MYO16: variants seen among roughly 807,000 people sequenced by gnomAD.
MYO16 encodes unconventional myosin-XVI.
A neutral mutation model predicts 205.3 loss-of-function variants in MYO16; 94 were observed. The ratio of observed to expected loss-of-function variants is 0.46; its 90% CI spans 0.39 to 0.54. The LOEUF is 0.54. MYO16 is among the 20% of genes least tolerant of loss of function. MYO16 has a pLI of 0.00. For missense variants in MYO16, 2,315 were observed against 2,387.5 expected (o/e 0.97, Z 0.63); for synonymous variants, 988 against 954.0 (o/e 1.04, Z -0.66).
chr13:108,695,545 T>A (rs1456767560), intron 2 of MYO16, among the ~76,000 whole-genome samples: 1 of 146,132 alleles, frequency 6.8e-6, no homozygotes, highest in African/African-American at 2.5e-5. Flanking sequence ...GGTCAGCTTT[T>A]TAATTTCTGC....
upstream of MYO16, among the ~76,000 whole-genome samples, chr13:108,593,411 G>A (rs1878455540): frequency 1.3e-5 from 2 of 152,090 alleles, no homozygotes; most frequent in South Asian, 4.1e-4. Context: ...GGGAGCTGCC[G>A]GCAGGGGCAG....
intron 6 of MYO16, among the ~76,000 whole-genome samples, chr13:108,797,456 G>C (rs984730126): frequency 6.6e-6 from 1 of 152,212 alleles, no homozygotes; most frequent in Non-Finnish European, 1.5e-5. Context: ...ATGAGAAGGA[G>C]CAAGCACTGA....
intron 34 of MYO16, among the ~76,000 whole-genome samples, chr13:109,196,764 C>G (rs923369457): frequency 8.5e-5 from 13 of 152,124 alleles, no homozygotes; most frequent in African/African-American, 3.1e-4. Flanking sequence ...TTCCTAGCTC[C>G]GTATAAACCG....
At chr13:108,609,489 G>A (rs750145519) in intron 1 of MYO16, among the ~76,000 whole-genome samples, 14 of 152,116 alleles carry the variant, frequency 9.2e-5, no homozygotes, top group Non-Finnish European at 1.9e-4. Context: ...TCAGCCAAGT[G>A]AATGAATGAA....
At chr13:109,120,563 C>A in intron 29 of MYO16, 97 bp downstream of exon 29, 2 of 749,406 alleles carry the variant, frequency 2.7e-6, no homozygotes, top group South Asian at 2.2e-5. Context: ...GGGGTCTGCA[C>A]CCTAGTGGAC....
At chr13:109,013,379 G>T (rs1163454811) in intron 22 of MYO16, among the ~76,000 whole-genome samples, 1 of 151,996 alleles carries the variant, frequency 6.6e-6, no homozygotes. Flanking sequence ...ATGGACATTT[G>T]GGTTGGTTCC....
At chr13:109,181,188 G>A (rs188730877) in intron 34 of MYO16, among the ~76,000 whole-genome samples, 3 of 152,394 alleles carry the variant, frequency 2.0e-5, no homozygotes, top group African/African-American at 7.2e-5. Context: ...AAGAGGCCTT[G>A]TTTTCAAATG....
At position 109,061,226 on chromosome 13, in the gene MYO16, A is replaced by G. The variant is rs1887584333; in HGVS notation, c.3335+5631A>G. ...TGTCCAGACCACTCAGACCTTCTCC[A>G]TATCGGCAATAAGGCAGTTTCACCT... On this transcript the variant is annotated intron_variant, in intron 27 of 34. Coordinates refer to ENST00000457511, the MANE Select transcript of MYO16 (RefSeq NM_001198950.3). 2.0e-5 allele frequency among the ~76,000 whole-genome samples: 3 copies of G among 152,272 alleles called. No individual in the cohort carries two copies. The South Asian group carries it at 6.2e-4, about 32-fold the overall frequency.
intron 27 of MYO16, among the ~76,000 whole-genome samples, chr13:109,078,934 G>T (rs537991812): frequency 6.6e-6 from 1 of 152,104 alleles, no homozygotes; most frequent in Non-Finnish European, 1.5e-5. Flanking sequence ...CTGGGACTTA[G>T]GTAGTCTATT....
At chr13:108,908,976 AAAAAT>A (rs1001611593) in intron 15 of MYO16, among the ~76,000 whole-genome samples, 2 of 147,796 alleles carry the variant, frequency 1.4e-5, no homozygotes, top group African/African-American at 5.1e-5. Flanking sequence ...GTGTCTCAAA[AAAAAT>A]AAAATAAAAT....
intron 2 of MYO16, among the ~76,000 whole-genome samples, chr13:108,687,129 A>G (rs1882711085): frequency 6.6e-6 from 1 of 152,244 alleles, no homozygotes; most frequent in Non-Finnish European, 1.5e-5. Flanking sequence ...CTGATTCCAC[A>G]CAATGGAAGA....
chr13:109,186,300 A>G (rs550731611), intron 34 of MYO16, among the ~76,000 whole-genome samples: 1 of 152,306 alleles, frequency 6.6e-6, no homozygotes, highest in South Asian at 2.1e-4. Flanking sequence ...GCTCAGGAGG[A>G]GAGGAAAGCA....
At chr13:109,181,569 A>C (rs1879452340) in intron 34 of MYO16, among the ~76,000 whole-genome samples, 1 of 152,238 alleles carries the variant, frequency 6.6e-6, no homozygotes, top group Non-Finnish European at 1.5e-5. Flanking sequence ...CTATATTTTC[A>C]TTAGCCTCAT....
At chr13:108,627,086 G>A (rs1306256406), upstream of MYO16, among the ~76,000 whole-genome samples, 1 of 150,528 alleles carries the variant, frequency 6.6e-6, no homozygotes, top group Non-Finnish European at 1.5e-5. Context: ...TCAACTTCAA[G>A]TTACCATTTT....
intron 11 of MYO16, among the ~76,000 whole-genome samples, chr13:108,858,022 T>C (rs1260553412): frequency 6.6e-6 from 1 of 152,228 alleles, no homozygotes; most frequent in African/African-American, 2.4e-5. Flanking sequence ...CTTTACATTA[T>C]GGTGTCTGAA....
chr13:108,850,129 GT>G lies in MYO16; in HGVS notation c.1249-5313del, dbSNP rs67767947. ...ATCCTGTTGAATTTCCTCTTTTTGT[GT>G]GTGTAACTTATCCATACTGGGTTAT... On this transcript the variant is annotated intron_variant, in intron 10 of 34. Coordinates refer to ENST00000457511, the MANE Select transcript of MYO16 (RefSeq NM_001198950.3). 8.1e-3 allele frequency among the ~76,000 whole-genome samples: 1,217 copies of G among 149,966 alleles called. 20 individuals are homozygous for G. The highest frequency in any genetic ancestry group is 0.028 in the African/African-American group (1,154 of 40,608).
chr13:108,958,334 G>A (rs1039082913), intron 17 of MYO16, among the ~76,000 whole-genome samples: 1 of 151,122 alleles, frequency 6.6e-6, no homozygotes, highest in Non-Finnish European at 1.5e-5. Context: ...TGGTAAACCT[G>A]AAGTAACTGT....
At chr13:108,638,188 T>G (rs1386276940) in intron 1 of MYO16, among the ~76,000 whole-genome samples, 1 of 152,168 alleles carries the variant, frequency 6.6e-6, no homozygotes, top group Non-Finnish European at 1.5e-5. Flanking sequence ...GGGAACAGTG[T>G]GCCACACAGA....
At chr13:109,189,926 T>TG (rs375103091) in intron 34 of MYO16, among the ~76,000 whole-genome samples, 1 of 151,900 alleles carries the variant, frequency 6.6e-6, no homozygotes, top group African/African-American at 2.4e-5. Flanking sequence ...TTGTTGTTGT[T>TG]TTTTTTTCAA....
Sources: gnomAD v4.1 joint callset for allele counts (sites outside exome capture counted in the v4.1 genomes callset) on GRCh38, gnomAD v4.1.1 for gene constraint, MANE v1.5 for transcripts, NCBI Gene and HGNC (gene_info 2026-07-23, HGNC 2026-07-21) for gene names.